Variants in CEP57L1 observed in about 807,000 individuals in gnomAD.
CEP57L1 encodes centrosomal protein CEP57L1.
Under a neutral mutation model 61.0 loss-of-function variants are expected in CEP57L1, and 37 were observed. That is an observed-to-expected ratio of 0.61 (90% CI 0.47 to 0.80). The LOEUF (loss-of-function observed/expected upper bound fraction) is 0.80. Ranked by LOEUF, CEP57L1 falls within the 30% of genes least tolerant of loss-of-function variation. The pLI, the probability that CEP57L1 is intolerant of heterozygous loss-of-function variation, is 0.00. For missense variants in CEP57L1, 422 were observed against 524.7 expected (o/e 0.80, Z 1.91); for synonymous variants, 137 against 162.3 (o/e 0.84, Z 1.19).
intron 1 of CEP57L1, chr6:109,130,867 T>A (rs1433898016): frequency 1.3e-5 from 2 of 151,934 alleles, no homozygotes; most frequent in Non-Finnish European, 2.9e-5. Flanking sequence ...CCTATCAGAG[T>A]GTTGTTTGTC....
At position 109,170,540 on chromosome 6, in the gene CEP57L1, G is replaced by T. The variant is rs1774354440; in HGVS notation, c.*7570G>T. ...GAAATACAAGATTGATGTTTACAGG[G>T]CAATTGTCCAGAATCTTGCTGAATT... On this transcript the variant is annotated 3_prime_UTR_variant, in exon 11 of 11. Coordinates refer to ENST00000517392, the MANE Select transcript of CEP57L1 (RefSeq NM_001271852.3). Among the ~76,000 whole-genome samples the T allele has an allele frequency of 6.6e-6, 1 of 152,082 alleles. No individual in the cohort carries two copies. Among genetic ancestry groups the T allele is most frequent in the Non-Finnish European group, 1.5e-5 (1 of 68,014 alleles).
chr6:109,145,480 A>G, intron 2 of CEP57L1, 99 bp downstream of exon 2: 1 of 790,310 alleles, frequency 1.3e-6, no homozygotes, highest in Non-Finnish European at 1.9e-6. Context: ...TAATCTTAAC[A>G]AAACTCCTAA....
chr6:109,141,424 A>G (rs536787461), intron 1 of CEP57L1, among the ~76,000 whole-genome samples: 25 of 151,896 alleles, frequency 1.6e-4, no homozygotes, highest in Admixed American at 6.6e-4. Context: ...ACTGTTGGCC[A>G]GGTTGGTCTC....
Position 109,168,590 on chromosome 6 carries a change from A to ATTTTTTTTTTTTTTTTTTTTTTTTTTTT in CEP57L1, c.*5642_*5643insTTTTTTTTTTTTTTTTTTTTTTTTTTTT, listed in dbSNP as rs72093696. Among the ~76,000 whole-genome samples, 1 of 112,060 alleles carries ATTTTTTTTTTTTTTTTTTTTTTTTTTTT rather than the reference A, an allele frequency of 8.9e-6. No individual in the cohort carries two copies. The highest frequency in any genetic ancestry group is 1.8e-5 in the Non-Finnish European group (1 of 55,132). 73.5% of individuals were successfully genotyped at this position (112,060 alleles called of 152,430 possible). ...ATCAATTTAGCGGGTCACTACCAGC[A>ATTTTTTTTTTTTTTTTTTTTTTTTTTTT]TTTTTTTTTTTTTTTTTTTTTTGAG... is the stretch of plus-strand genomic sequence containing the variant. On this transcript the variant is annotated 3_prime_UTR_variant, in exon 11 of 11. Coordinates refer to ENST00000517392, the MANE Select transcript of CEP57L1 (RefSeq NM_001271852.3).
chr6:109,159,552 T>C, intron 9 of CEP57L1, 90 bp downstream of exon 9: 1 of 1,241,520 alleles, frequency 8.1e-7, no homozygotes, highest in Non-Finnish European at 1.1e-6. Flanking sequence ...CAGGCAATCC[T>C]CCTGCCTCGG....
In CEP57L1 at chr6:109,120,905, GACACACGCACAC is replaced by G. The variant is rs1398475718; in HGVS notation, c.-3-24307_-3-24296del. 8.9e-3 allele frequency among the ~76,000 whole-genome samples: 1,144 copies of G among 128,392 alleles called. 19 individuals carry two copies. Among genetic ancestry groups the G allele is most frequent in the African/African-American group, 0.029 (918 of 32,000 alleles). The allele number at this position is 128,392 out of a possible 152,430, so 84.2% of individuals were successfully genotyped here. ...CAGTCTTAGAAAATTCCTATACTTA[GACACACGCACAC>G]ACACACACACACACACACACACACA... On this transcript the variant is annotated intron_variant, in intron 1 of 10. Transcript: ENST00000517392.
intron 4 of CEP57L1, 98 bp downstream of exon 4, chr6:109,150,337 T>A: frequency 6.9e-7 from 1 of 1,445,610 alleles, no homozygotes; most frequent in East Asian, 2.4e-5. Context: ...GGTGGCATAA[T>A]GTTAGAATGA....
At chr6:109,139,334 G>A (rs1459000663) in intron 1 of CEP57L1, among the ~76,000 whole-genome samples, 1 of 152,170 alleles carries the variant, frequency 6.6e-6, no homozygotes, top group Non-Finnish European at 1.5e-5. Context: ...GACAGAGTCT[G>A]ACTCTATTAC....
At chr6:109,099,795 G>A (rs940066467) in intron 1 of CEP57L1, among the ~76,000 whole-genome samples, 4 of 152,100 alleles carry the variant, frequency 2.6e-5, no homozygotes, top group African/African-American at 4.8e-5. Flanking sequence ...TGATCCACCC[G>A]CCTCGGCCTC....
chr6:109,135,614 A>G (rs1452558889), intron 1 of CEP57L1, among the ~76,000 whole-genome samples: 2 of 152,234 alleles, frequency 1.3e-5, no homozygotes, highest in Non-Finnish European at 2.9e-5. Flanking sequence ...AACTACCATC[A>G]GAGTGAACAG....
chr6:109,111,081 A>G (rs1031478566), intron 1 of CEP57L1, among the ~76,000 whole-genome samples: 2 of 152,184 alleles, frequency 1.3e-5, no homozygotes, highest in Non-Finnish European at 2.9e-5. Flanking sequence ...TGGTAGCTTG[A>G]TCAGGATAGC....
chr6:109,171,753 T>C lies in CEP57L1; in HGVS notation c.*8783T>C, dbSNP rs989788705. Reference sequence around the variant, plus strand: ...ACAAAATTACCAAAGTCACCAAGTTTAGTTATTCTTTTCATGGTGGAAAAC... The same window carrying C: ...ACAAAATTACCAAAGTCACCAAGTTCAGTTATTCTTTTCATGGTGGAAAAC... On this transcript the variant is annotated 3_prime_UTR_variant, in exon 11 of 11. Coordinates refer to ENST00000517392, the MANE Select transcript of CEP57L1 (RefSeq NM_001271852.3). Among the ~76,000 whole-genome samples, 2 of 152,232 alleles carry C rather than the reference T, an allele frequency of 1.3e-5. No homozygotes were observed. Among genetic ancestry groups the C allele is most frequent in the African/African-American group, 2.4e-5 (1 of 41,470 alleles).
chr6:109,120,126 C>G (rs556024363), intron 1 of CEP57L1, among the ~76,000 whole-genome samples: 1 of 152,158 alleles, frequency 6.6e-6, no homozygotes, highest in East Asian at 1.9e-4. Context: ...CATATTATTC[C>G]CATTTTATAG....
In CEP57L1 at chr6:109,170,740, CT is replaced by C; in HGVS notation, c.*7773del. ...AACTTACAATTTCTAGCAAAAGTAT[CT>C]TTAATATCTTACAAAATATTTTCAG... is the stretch of plus-strand genomic sequence containing the variant. On this transcript the variant is annotated 3_prime_UTR_variant, in exon 11 of 11. Transcript: ENST00000517392. Among the ~76,000 whole-genome samples, 1 of 152,260 alleles carries C rather than the reference CT, an allele frequency of 6.6e-6. No homozygotes were observed. Among genetic ancestry groups the C allele is most frequent in the South Asian group, 2.1e-4 (1 of 4,824 alleles).
chr6:109,140,048 T>A (rs1031921133), intron 1 of CEP57L1, among the ~76,000 whole-genome samples: 5 of 152,208 alleles, frequency 3.3e-5, no homozygotes, highest in African/African-American at 1.2e-4. Flanking sequence ...TACTTTTGAA[T>A]CTGGATATAA....
chr6:109,159,144 C>T lies in CEP57L1; in HGVS notation c.822+42C>T, dbSNP rs368053053. On this transcript the variant is annotated intron_variant, in intron 8 of 10. Transcript: ENST00000517392. ...TGAAGATAGTCGTTCAAAAAAACTC[C>T]TGTTTTGTTGTAAGTGCTATTTAAA... The T allele has an allele frequency of 3.1e-6, 5 of 1,613,732 alleles. No homozygotes were observed. In the African/African-American group the frequency reaches 6.7e-5, roughly 22 times the overall value.
intron 1 of CEP57L1, among the ~76,000 whole-genome samples, chr6:109,136,694 CTTGTATTTTTA>C (rs1471402239): frequency 7.3e-6 from 1 of 137,818 alleles, no homozygotes; most frequent in Non-Finnish European, 1.6e-5. Context: ...TGCTCTGAAA[CTTGTATTTTTA>C]TTTTATTTTA....
At chr6:109,104,952 A>C (rs1770754110) in intron 1 of CEP57L1, among the ~76,000 whole-genome samples, 1 of 152,040 alleles carries the variant, frequency 6.6e-6, no homozygotes, top group Non-Finnish European at 1.5e-5. Context: ...TATTGTTTAA[A>C]TTTGCATTTT....
chr6:109,131,897 T>C (rs1329630487), intron 1 of CEP57L1, among the ~76,000 whole-genome samples: 3 of 152,068 alleles, frequency 2.0e-5, no homozygotes, highest in African/African-American at 4.8e-5. Flanking sequence ...GCCTAGGCAT[T>C]GTGAGTTATA....
Sources: gnomAD v4.1 joint callset for allele counts (sites outside exome capture counted in the v4.1 genomes callset) on GRCh38, gnomAD v4.1.1 for gene constraint, MANE v1.5 for transcripts, NCBI Gene and HGNC (gene_info 2026-07-23, HGNC 2026-07-21) for gene names.